GSE1: variants seen among roughly 807,000 people sequenced by gnomAD.
The protein encoded by GSE1 is Gse1 coiled-coil protein, also known as genetic suppressor element 1.
In GSE1, 32 loss-of-function variants were observed where a neutral mutation model predicts 112.6. The ratio of observed to expected loss-of-function variants is 0.28; its 90% CI spans 0.21 to 0.38. The LOEUF (loss-of-function observed/expected upper bound fraction) is 0.38, where lower values mean the gene tolerates loss of function less well. Among genes scored for constraint, GSE1 ranks in the 10% least tolerant of loss-of-function variants. The probability of loss-of-function intolerance (pLI) is 1.00; values close to 1 mark genes in which losing one functional copy is unlikely to be tolerated. For missense variants in GSE1, 2,348 were observed against 1,699.2 expected, an observed-to-expected ratio of 1.38 and a Z score of -6.71; for synonymous variants, 1,115 against 735.6, an observed-to-expected ratio of 1.52 and a Z score of -8.35.
At chr16:85,633,731 T>TG (rs1424918490) in intron 1 of GSE1, among the ~76,000 whole-genome samples, 183 bp from the exon 2 acceptor site, 1 of 152,180 alleles carries the variant, frequency 6.6e-6, no homozygotes, top group Non-Finnish European at 1.5e-5. Context: ...AGCTGGACTC[T>TG]GGGGACGGGG....
At chr16:85,182,702 G>T (rs889998596) in intron 1 of GSE1, among the ~76,000 whole-genome samples, 1 of 152,124 alleles carries the variant, frequency 6.6e-6, no homozygotes, top group Non-Finnish European at 1.5e-5. Flanking sequence ...TTAAGACCTG[G>T]TGCAGTGCAG....
At chr16:85,402,934 C>T (rs1487413810) in intron 2 of GSE1, among the ~76,000 whole-genome samples, 2 of 152,110 alleles carry the variant, frequency 1.3e-5, no homozygotes, top group African/African-American at 4.8e-5. Context: ...AAAAAATTGC[C>T]CCAAAACTTC....
At position 85,672,696 on chromosome 16, in the gene GSE1, G is replaced by T. The variant is rs569278082; in HGVS notation, c.*157G>T. The T allele has an allele frequency of 2.3e-3, 1,124 of 485,172 alleles. 7 individuals are homozygous for T. Among genetic ancestry groups the T allele is most frequent in the African/African-American group, 0.02 (1,028 of 51,558 alleles). The allele number at this position is 485,172 out of a possible 1,614,324, so 30.1% of individuals were successfully genotyped here. On this transcript the variant is annotated 3_prime_UTR_variant, in exon 16 of 16. Coordinates refer to ENST00000253458, the MANE Select transcript of GSE1 (RefSeq NM_014615.5). Reference sequence around the variant, plus strand: ...ATTCCAGGCTCCAGAAAAAATGAATGAACTCACCTTGACGTCAATGCAATT... The same window carrying T: ...ATTCCAGGCTCCAGAAAAAATGAATTAACTCACCTTGACGTCAATGCAATT...
chr16:85,409,507 G>GC (rs1156728425), intron 2 of GSE1, among the ~76,000 whole-genome samples: 1 of 8,448 alleles, frequency 1.2e-4, no homozygotes. Context: ...TGCACTCAGG[G>GC]CCCCCCGGAT....
rs918969951 is a variant in GSE1 at position 85,493,563 on chromosome 16, G to C, written c.2464+135920G>C. 7.2e-5 allele frequency among the ~76,000 whole-genome samples: 11 copies of C among 152,198 alleles called. No homozygotes were observed. In the South Asian group the frequency reaches 1.5e-3, roughly 20 times the overall value. ...GAGGTCGGGAGTTCAAGACCAGCCT[G>C]ACCAACATGGAGAAACCCCGTCTCT... On this transcript the variant is annotated intron_variant, in intron 2 of 2. Coordinates refer to the GSE1 transcript ENST00000637419.
intron 1 of GSE1, among the ~76,000 whole-genome samples, chr16:85,571,790 C>A (rs1250749591): frequency 6.6e-6 from 1 of 152,080 alleles, no homozygotes; most frequent in Non-Finnish European, 1.5e-5. Flanking sequence ...GCAGAGGGTC[C>A]CTGTCGGTGG....
In GSE1 at chr16:85,653,704, C is replaced by T. The variant is rs571065336; in HGVS notation, c.427-574C>T. ...GTGGGCTCCAGGGCCAGGGCCACCC[C>T]AGGAGGTGGTTGGGGGCAGACCAGC... is the stretch of plus-strand genomic sequence containing the variant. On this transcript the variant is annotated intron_variant, in intron 3 of 15. Transcript: ENST00000253458. Among the ~76,000 whole-genome samples the T allele has an allele frequency of 1.1e-4, 17 of 152,254 alleles. No homozygotes were observed. In the South Asian group the frequency reaches 3.3e-3, roughly 30 times the overall value.
chr16:85,661,457 C>T lies in GSE1; in HGVS notation c.1952C>T (p.Pro651Leu), dbSNP rs755257245. ...CCTGCCCCTCTGGACAAGTACCAGC[C>T]ACCTCCGCCGCCACCACGAGAGGGA... is the stretch of plus-strand genomic sequence containing the variant. The part of the protein sequence containing the change: ...REPAPLDKYQ[P>L]PPPPPREGGS... The change falls in exon 9 of 16, where the codon CCA becomes CTA. Residue 651 changes from proline (P) to leucine (L), a missense_variant. By Grantham distance (98) the Pro-to-Leu change is moderately conservative. Transcript: ENST00000253458. 1 of 1,611,588 alleles carries T rather than the reference C, an allele frequency of 6.2e-7. No homozygotes were observed. The highest frequency in any genetic ancestry group is 8.5e-7 in the Non-Finnish European group (1 of 1,179,364).
chr16:85,565,248 C>T (rs747196867), intron 1 of GSE1, among the ~76,000 whole-genome samples: 57 of 151,876 alleles, frequency 3.8e-4, no homozygotes, highest in Non-Finnish European at 5.4e-4. Context: ...AAAAATTAGC[C>T]GGGCATGGTG....
chr16:85,287,345 A>G (rs932669343), intron 1 of GSE1, among the ~76,000 whole-genome samples: 1 of 152,122 alleles, frequency 6.6e-6, no homozygotes, highest in African/African-American at 2.4e-5. Flanking sequence ...CCCCTGCACC[A>G]GCCACCCCAG....
At chr16:85,320,056 AG>A (rs2046070154) in intron 1 of GSE1, among the ~76,000 whole-genome samples, 1 of 152,208 alleles carries the variant, frequency 6.6e-6, no homozygotes, top group Non-Finnish European at 1.5e-5. Flanking sequence ...GGATAATGAC[AG>A]GCCCCACATT....
intron 2 of GSE1, among the ~76,000 whole-genome samples, chr16:85,503,202 G>A (rs113462729): frequency 4.6e-5 from 7 of 152,344 alleles, no homozygotes; most frequent in South Asian, 2.1e-4. Context: ...TAAGTGAGAC[G>A]CTGAAGCCAG....
Position 85,479,693 on chromosome 16 carries a change from C to T in GSE1, c.2464+122050C>T, listed in dbSNP as rs569544663. Among the ~76,000 whole-genome samples, 8 of 152,310 alleles carry T rather than the reference C, an allele frequency of 5.3e-5. No homozygotes were observed. The South Asian group carries it at 1.7e-3, about 32-fold the overall frequency. On this transcript the variant is annotated intron_variant, in intron 2 of 2. Transcript: ENST00000637419. ...AACCCTTCTCTGTGCAGGAAACCTC[C>T]TGTTGGTGCTGGGACACTGAGCGCA...
At chr16:85,189,258 A>C (rs2074773737) in intron 1 of GSE1, among the ~76,000 whole-genome samples, 1 of 152,226 alleles carries the variant, frequency 6.6e-6, no homozygotes, top group Non-Finnish European at 1.5e-5. Flanking sequence ...TTTGATAATA[A>C]CCTAGCACTT....
At chr16:85,521,845 C>T (rs905558038) in intron 2 of GSE1, among the ~76,000 whole-genome samples, 2 of 152,226 alleles carry the variant, frequency 1.3e-5, no homozygotes, top group Non-Finnish European at 2.9e-5. Context: ...CCCAGGGGGT[C>T]GTGGAGGGTT....
chr16:85,365,853 C>T (rs958849707), intron 2 of GSE1, among the ~76,000 whole-genome samples: 1 of 152,260 alleles, frequency 6.6e-6, no homozygotes, highest in Non-Finnish European at 1.5e-5. Context: ...AGTTCCAAAC[C>T]TGGCTCTGCT....
chr16:85,367,306 G>T (rs939421270), intron 2 of GSE1, among the ~76,000 whole-genome samples: 1 of 152,084 alleles, frequency 6.6e-6, no homozygotes, highest in African/African-American at 2.4e-5. Context: ...CTGCCGGCAC[G>T]TCTGTCTCTG....
At chr16:85,517,671 T>G (rs1210547579) in intron 2 of GSE1, among the ~76,000 whole-genome samples, 1 of 152,166 alleles carries the variant, frequency 6.6e-6, no homozygotes, top group Non-Finnish European at 1.5e-5. Flanking sequence ...CTCCTTTTCT[T>G]TTCTCGTTTT....
intron 2 of GSE1, among the ~76,000 whole-genome samples, chr16:85,521,994 G>T (rs1030292881): frequency 6.6e-6 from 1 of 152,216 alleles, no homozygotes. Flanking sequence ...GGTGGCAGGG[G>T]AACCAGCCTC....
Sources: gnomAD v4.1 joint callset for allele counts (sites outside exome capture counted in the v4.1 genomes callset) on GRCh38, gnomAD v4.1.1 for gene constraint, MANE v1.5 for transcripts, NCBI Gene and HGNC (gene_info 2026-07-23, HGNC 2026-07-21) for gene names.